The following TRIM67 variants were observed in gnomAD, a reference collection of about 807,000 sequenced individuals.
The protein encoded by TRIM67 is tripartite motif-containing protein 67.
A neutral mutation model predicts 71.0 loss-of-function variants in TRIM67; 39 were observed. That is an observed-to-expected ratio of 0.55 (90% CI 0.43 to 0.72). The LOEUF is 0.72. Ranked by LOEUF, TRIM67 falls within the 30% of genes least tolerant of loss-of-function variation. The pLI, the probability that TRIM67 is intolerant of heterozygous loss-of-function variation, is 0.00. For missense variants in TRIM67, 973 were observed against 1,079.2 expected, an observed-to-expected ratio of 0.90 and a Z score of 1.38; for synonymous variants, 481 against 473.9, an observed-to-expected ratio of 1.01 and a Z score of -0.19.
At chr1:231,170,931 G>A (rs1682603915) in intron 1 of TRIM67, among the ~76,000 whole-genome samples, 1 of 152,210 alleles carries the variant, frequency 6.6e-6, no homozygotes, top group South Asian at 2.1e-4. Context: ...CCACCCTGCA[G>A]CATCAGCATC....
intron 1 of TRIM67, chr1:231,184,023 G>A (rs998935422): frequency 3.9e-5 from 6 of 152,174 alleles, no homozygotes; most frequent in African/African-American, 1.2e-4. Flanking sequence ...TTGTCTCTTT[G>A]TTCAGTTTTG....
chr1:231,168,900 C>A (rs1471175047), intron 1 of TRIM67, among the ~76,000 whole-genome samples: 2 of 152,146 alleles, frequency 1.3e-5, no homozygotes, highest in Non-Finnish European at 2.9e-5. Flanking sequence ...TTCCAGGGGG[C>A]CTGAAGTCTA....
rs1006539984 is a variant in TRIM67, at chr1:231,164,570, C to T, written c.1044+557C>T. Reference sequence around the variant, plus strand: ...CAAATGCCAAAGATGAGCAATTGGACTCACTTCCCCAGAGGTCAATGAACT... The same window carrying T: ...CAAATGCCAAAGATGAGCAATTGGATTCACTTCCCCAGAGGTCAATGAACT... On this transcript the variant is annotated intron_variant, in intron 1 of 9. Coordinates refer to ENST00000366653, the MANE Select transcript of TRIM67 (RefSeq NM_001004342.5). Among the ~76,000 whole-genome samples, 11 of 152,186 alleles carry T rather than the reference C, an allele frequency of 7.2e-5. No homozygotes were observed. The East Asian group carries it at 1.9e-3, about 27-fold the overall frequency.
Position 231,217,955 on chromosome 1 carries a change from T to G in TRIM67, c.*2515T>G. On this transcript the variant is annotated 3_prime_UTR_variant, in exon 10 of 10. Coordinates refer to ENST00000366653, the MANE Select transcript of TRIM67 (RefSeq NM_001004342.5). ...CCACTGCCACCCTGAGCTTGGGGGCTGGGATTCTCCCTTTTCTGACTCCTC... is the reference window on the plus strand; with the variant it reads ...CCACTGCCACCCTGAGCTTGGGGGCGGGGATTCTCCCTTTTCTGACTCCTC... The G allele has an allele frequency of 2.4e-6, 3 of 1,260,418 alleles. No individual in the cohort carries two copies. The South Asian group carries it at 3.9e-5, about 17-fold the overall frequency. The allele number at this position is 1,260,418 out of a possible 1,614,324, so 78.1% of individuals were successfully genotyped here. A position where few individuals can be genotyped will look rare whatever the true frequency, so the allele number is the denominator to read the frequency against.
At chr1:231,195,919 T>G (rs1276442042) in intron 1 of TRIM67, among the ~76,000 whole-genome samples, 2 of 152,222 alleles carry the variant, frequency 1.3e-5, no homozygotes, top group Admixed American at 1.3e-4. Context: ...GAACCACACT[T>G]TGACAACCGT....
chr1:231,215,377 C>T lies in TRIM67; in HGVS notation c.2289C>T (p.Val763=), dbSNP rs758403649. Residue 763 remains valine (V), a splice_region_variant and synonymous_variant, in exon 10 of 10, where the codon GTC becomes GTT. Transcript: ENST00000366653. The part of the protein sequence containing the change: ...PALSLNRNVQ[V]TLHTGLEVPT... ...ACTTGCCCTGTCTTCTTTTCCAGGT[C>T]ACCCTGCACACAGGATTGGAAGTGC... is the stretch of plus-strand genomic sequence containing the variant. 1.2e-6 allele frequency: 2 copies of T among 1,612,674 alleles called. No individual in the cohort carries two copies. The highest frequency in any genetic ancestry group is 8.5e-7 in the Non-Finnish European group (1 of 1,179,148).
intron 1 of TRIM67, among the ~76,000 whole-genome samples, chr1:231,170,436 G>A (rs1284473401): frequency 2.0e-5 from 3 of 152,206 alleles, no homozygotes; most frequent in African/African-American, 7.2e-5. Flanking sequence ...ATTAAAAGTT[G>A]AAGACAACCT....
chr1:231,183,121 AAAG>A (rs1435166873), intron 1 of TRIM67, among the ~76,000 whole-genome samples: 1 of 152,178 alleles, frequency 6.6e-6, no homozygotes, highest in Non-Finnish European at 1.5e-5. Context: ...TGGAAGGGAT[AAAG>A]AAGAGACCTC....
rs534082134 is a variant in TRIM67, at chr1:231,163,147, G to T, written c.178G>T (p.Gly60Cys). Residue 60 changes from glycine (G) to cysteine (C), a missense_variant, in exon 1 of 10, where the codon GGC becomes TGC. Physicochemically the swap from Gly to Cys is radical, Grantham distance 159. Transcript: ENST00000366653. ...LLSRGSGLQA[G>C]AAAAASLEHD... is the part of the protein sequence containing the mutation. ...TTCCCGGGGATCGGGGCTGCAGGCGGGCGCCGCCGCCGCTGCCTCTCTGGA... is the reference window on the plus strand; with the variant it reads ...TTCCCGGGGATCGGGGCTGCAGGCGTGCGCCGCCGCCGCTGCCTCTCTGGA... 8 of 1,514,512 alleles carry T rather than the reference G, an allele frequency of 5.3e-6. No homozygotes were observed. In the South Asian group the frequency reaches 9.9e-5, roughly 19 times the overall value. The allele number at this position is 1,514,512 out of a possible 1,614,324, so 93.8% of individuals were successfully genotyped here. A position where few individuals can be genotyped will look rare whatever the true frequency, so the allele number is the denominator to read the frequency against.
intron 5 of TRIM67, among the ~76,000 whole-genome samples, chr1:231,202,153 C>CTGAGATAATGGAGGA (rs1683559017): frequency 4.5e-4 from 1 of 2,244 alleles, no homozygotes; most frequent in South Asian, 0.011. Flanking sequence ...GAAGAGGTAG[C>CTGAGATAATGGAGGA]GGAGGAGGAG....
chr1:231,163,943 T>A lies in TRIM67; in HGVS notation c.974T>A (p.Leu325Gln), dbSNP rs773091113. 4 of 1,585,454 alleles carry A rather than the reference T, an allele frequency of 2.5e-6. No individual in the cohort carries two copies. The East Asian group carries it at 6.9e-5, about 27-fold the overall frequency. ...AGCTGTCGAACCCCGGTGTGTTATC[T>A]GTGCCTGGAGGAGGGCCGGCACGCC... Reference protein sequence around the residue: ...CVSCRTPVCYLCLEEGRHAKH... With the variant: ...CVSCRTPVCYQCLEEGRHAKH... The change falls in exon 1 of 10, where the codon CTG becomes CAG. Residue 325 changes from leucine (L) to glutamine (Q), a missense_variant. Physicochemically the swap from Leu to Gln is moderately radical, Grantham distance 113 (BLOSUM62 -2). Transcript: ENST00000366653.
At chr1:231,172,995 C>G (rs975290043) in intron 1 of TRIM67, among the ~76,000 whole-genome samples, 2 of 152,196 alleles carry the variant, frequency 1.3e-5, no homozygotes, top group Admixed American at 1.3e-4. Context: ...ACCATTACAG[C>G]CTTTTTCTGA....
Position 231,215,650 on chromosome 1 carries a change from A to C in TRIM67, c.*210A>C. The C allele has an allele frequency of 7.5e-7, 1 of 1,338,254 alleles. No individual in the cohort carries two copies. 82.9% of individuals were successfully genotyped at this position (1,338,254 alleles called of 1,614,324 possible). A position where few individuals can be genotyped will look rare whatever the true frequency, so the allele number is the denominator to read the frequency against. ...TCACAGCTGCCACTGTCAGTGGCAA[A>C]GGAAGGTACGTGTGTCACCCTTATT... is the stretch of plus-strand genomic sequence containing the variant. On this transcript the variant is annotated 3_prime_UTR_variant, in exon 10 of 10. Transcript: ENST00000366653.
At chr1:231,164,982 A>C (rs563144180) in intron 1 of TRIM67, among the ~76,000 whole-genome samples, 1 of 152,220 alleles carries the variant, frequency 6.6e-6, no homozygotes, top group African/African-American at 2.4e-5. Flanking sequence ...TCCACCTTTA[A>C]GAGGAGAATT....
At chr1:231,179,940 G>A (rs1682855327) in intron 1 of TRIM67, among the ~76,000 whole-genome samples, 1 of 152,204 alleles carries the variant, frequency 6.6e-6, no homozygotes, top group East Asian at 1.9e-4. Context: ...AGGGATGGAG[G>A]AGAGATGGCA....
intron 5 of TRIM67, 49 bp downstream of exon 5, chr1:231,201,566 C>A (rs1683524228): frequency 3.8e-6 from 6 of 1,587,484 alleles, no homozygotes; most frequent in Non-Finnish European, 5.1e-6. Flanking sequence ...TCAAAAGAGG[C>A]ATGCAGTCTG....
At chr1:231,169,485 T>TTC (rs61373829) in intron 1 of TRIM67, among the ~76,000 whole-genome samples, 11,669 of 149,174 alleles carry the variant, frequency 0.078, 612 homozygotes, top group East Asian at 0.26. Flanking sequence ...GTTCAAGTGA[T>TTC]TCTCCTGCCT....
chr1:231,201,517 G>A lies in TRIM67; in HGVS notation c.1534G>A (p.Val512Met), dbSNP rs774336668. Residue 512 changes from valine (V) to methionine (M), a missense_variant and splice_region_variant, in exon 5 of 10, where the codon GTG becomes ATG. Val to Met is a conservative substitution (Grantham distance 21). Coordinates refer to ENST00000366653, the MANE Select transcript of TRIM67 (RefSeq NM_001004342.5). ...GGACTTCATTCAGATGAAATGTAGG[G>A]GTGAGCCGCGGTTGGCCCCAGTTCA... ...QLDFIQMKCR[V>M]PPVPLLQLEK... The A allele has an allele frequency of 1.9e-6, 3 of 1,613,190 alleles. No homozygotes were observed. Among genetic ancestry groups the A allele is most frequent in the Non-Finnish European group, 2.5e-6 (3 of 1,179,692 alleles).
intron 1 of TRIM67, among the ~76,000 whole-genome samples, chr1:231,193,503 G>GCTCTCGCTCTCTCT (rs1683287893): frequency 2.4e-5 from 2 of 81,944 alleles, no homozygotes; most frequent in Non-Finnish European, 4.7e-5. Context: ...TCTCTCTCAA[G>GCTCTCGCTCTCTCT]CTCTCTCTCT....
Sources: gnomAD v4.1 joint callset for allele counts (sites outside exome capture counted in the v4.1 genomes callset) on GRCh38, gnomAD v4.1.1 for gene constraint, MANE v1.5 for transcripts, NCBI Gene and HGNC (gene_info 2026-07-23, HGNC 2026-07-21) for gene names.